The following NEDD4L variants were observed in gnomAD, a reference collection of about 807,000 sequenced individuals.
The protein encoded by NEDD4L is NEDD4 like E3 ubiquitin protein ligase.
A neutral mutation model predicts 148.9 loss-of-function variants in NEDD4L; 54 were observed. That is an observed-to-expected ratio of 0.36 (90% confidence interval 0.29 to 0.45). The LOEUF (loss-of-function observed/expected upper bound fraction) is 0.45, where lower values mean the gene tolerates loss of function less well. Ranked by LOEUF, NEDD4L falls within the 20% of genes least tolerant of loss-of-function variation. The pLI, the probability that NEDD4L is intolerant of heterozygous loss-of-function variation, is 1.00. For synonymous variants in NEDD4L, 433 were observed against 440.7 expected (o/e 0.98, Z 0.22); for missense variants, 856 against 1,233.8 (o/e 0.69, Z 4.59).
intron 5 of NEDD4L, among the ~76,000 whole-genome samples, chr18:58,311,257 A>G (rs2057664738): frequency 6.6e-6 from 1 of 152,238 alleles, no homozygotes; most frequent in Non-Finnish European, 1.5e-5. Context: ...TTTCTGTTCT[A>G]TATTATGCTT....
At chr18:58,198,980 C>G (rs570521418) in intron 2 of NEDD4L, among the ~76,000 whole-genome samples, 1 of 152,054 alleles carries the variant, frequency 6.6e-6, no homozygotes, top group Non-Finnish European at 1.5e-5. Context: ...TTAGTAGAGA[C>G]GGGGTTTTGC....
At position 58,370,253 on chromosome 18, in the gene NEDD4L, G is replaced by A. The variant is rs537182324; in HGVS notation, c.2186-144G>A. On this transcript the variant is annotated intron_variant, in intron 22 of 30. Transcript: ENST00000400345. ...ACTCTCCCCCTGATCTCGCCTCCTC[G>A]CTTGTGCAATACTGTAGAAGGCCCT... is the stretch of plus-strand genomic sequence containing the variant. 354 of 630,638 alleles carry A rather than the reference G, an allele frequency of 5.6e-4. 1 individual carries two copies. The African/African-American group carries it at 5.6e-3, about 10-fold the overall frequency. The allele number at this position is 630,638 out of a possible 1,614,324, so 39.1% of individuals were successfully genotyped here.
chr18:58,359,392 T>G (rs905924900), intron 19 of NEDD4L, among the ~76,000 whole-genome samples: 6 of 152,232 alleles, frequency 3.9e-5, no homozygotes, highest in African/African-American at 1.4e-4. Flanking sequence ...GACTTAGGGT[T>G]AAAATGAATC....
At chr18:58,108,711 G>A (rs770585269) in intron 1 of NEDD4L, among the ~76,000 whole-genome samples, 6 of 152,168 alleles carry the variant, frequency 3.9e-5, no homozygotes, top group East Asian at 1.9e-4. Context: ...ATGAGCCACC[G>A]TGCCCAGCCT....
chr18:58,344,706 T>TAGTAATGG (rs1281263493), intron 16 of NEDD4L, among the ~76,000 whole-genome samples: 2 of 140,752 alleles, frequency 1.4e-5, no homozygotes, highest in East Asian at 4.5e-4. Context: ...TTGGAAAATA[T>TAGTAATGG]AGTAATGGAG....
chr18:58,328,929 A>C, intron 9 of NEDD4L, 66 bp from the exon 10 acceptor site: 1 of 1,590,548 alleles, frequency 6.3e-7, no homozygotes, highest in Non-Finnish European at 8.6e-7. Context: ...TGAGCATTGA[A>C]CTGTCATGAA....
At chr18:58,292,539 C>G (rs960661099) in intron 5 of NEDD4L, among the ~76,000 whole-genome samples, 15 of 152,332 alleles carry the variant, frequency 9.8e-5, no homozygotes, top group African/African-American at 3.6e-4. Flanking sequence ...CGCTCCTCTA[C>G]TCTCTCGTAG....
chr18:58,090,599 T>A (rs1225213524), intron 1 of NEDD4L, among the ~76,000 whole-genome samples: 1 of 152,218 alleles, frequency 6.6e-6, no homozygotes, highest in Non-Finnish European at 1.5e-5. Context: ...TGCCTCAGCC[T>A]CCCAAATAGC....
At chr18:58,353,920 T>C (rs1031320650) in intron 18 of NEDD4L, among the ~76,000 whole-genome samples, 4 of 152,210 alleles carry the variant, frequency 2.6e-5, no homozygotes, top group African/African-American at 9.6e-5. Context: ...CCACCTGGAA[T>C]TACAGATGAG....
chr18:58,077,848 T>C (rs1007951544), intron 1 of NEDD4L, among the ~76,000 whole-genome samples: 2 of 152,130 alleles, frequency 1.3e-5, no homozygotes, highest in African/African-American at 4.8e-5. Context: ...GTTTTGTGCC[T>C]CGAGAGACAT....
At chr18:58,063,257 G>A (rs898074368) in intron 1 of NEDD4L, among the ~76,000 whole-genome samples, 1 of 151,140 alleles carries the variant, frequency 6.6e-6, no homozygotes, top group Non-Finnish European at 1.5e-5. Flanking sequence ...AGTTCGTGCT[G>A]TGTTGCCCAG....
intron 2 of NEDD4L, among the ~76,000 whole-genome samples, chr18:58,224,434 G>A (rs1198663443): frequency 4.6e-5 from 7 of 152,190 alleles, no homozygotes; most frequent in African/African-American, 1.7e-4. Flanking sequence ...CTTGACACTG[G>A]AAGGAAGTCT....
intron 1 of NEDD4L, among the ~76,000 whole-genome samples, chr18:58,162,587 T>A (rs77215687): frequency 0.011 from 1,663 of 150,870 alleles, 32 homozygotes; most frequent in African/African-American, 0.039. Flanking sequence ...GAAATTATCT[T>A]GCATTATGTA....
chr18:58,148,752 G>A (rs907012401), intron 1 of NEDD4L, among the ~76,000 whole-genome samples: 1 of 152,212 alleles, frequency 6.6e-6, no homozygotes, highest in Non-Finnish European at 1.5e-5. Context: ...AGGGGCTAGA[G>A]CCTCAACATG....
At chr18:58,227,570 A>T (rs2044517071) in intron 2 of NEDD4L, among the ~76,000 whole-genome samples, 1 of 152,148 alleles carries the variant, frequency 6.6e-6, no homozygotes, top group Non-Finnish European at 1.5e-5. Context: ...GCTCTGTCTA[A>T]GGGCTGGAGT....
chr18:58,316,776 C>T (rs573731587), intron 6 of NEDD4L, among the ~76,000 whole-genome samples: 36 of 152,340 alleles, frequency 2.4e-4, no homozygotes, highest in Non-Finnish European at 7.3e-5. Context: ...TTCAGTTTTC[C>T]GGCTTGTCCC....
intron 1 of NEDD4L, among the ~76,000 whole-genome samples, chr18:58,082,965 A>G (rs1296118636): frequency 6.6e-6 from 1 of 152,126 alleles, no homozygotes; most frequent in African/African-American, 2.4e-5. Flanking sequence ...TTCTTTTTAA[A>G]TGTCCCTTCC....
intron 1 of NEDD4L, among the ~76,000 whole-genome samples, chr18:58,060,717 G>A (rs1315741155): frequency 1.3e-5 from 2 of 152,144 alleles, no homozygotes; most frequent in Admixed American, 6.5e-5. Flanking sequence ...ACTGGGGCCT[G>A]TCTTGCACCC....
At chr18:58,224,181 C>G (rs890369299) in intron 2 of NEDD4L, among the ~76,000 whole-genome samples, 2 of 152,328 alleles carry the variant, frequency 1.3e-5, no homozygotes, top group East Asian at 3.9e-4. Flanking sequence ...ACTCATCTGG[C>G]CTGCAGCAGG....
Sources: allele counts gnomAD v4.1 joint callset (sites outside exome capture counted in the v4.1 genomes callset), GRCh38; gene constraint gnomAD v4.1.1; transcripts MANE v1.5; gene names NCBI Gene and HGNC (gene_info 2026-07-23, HGNC 2026-07-21).